CBY1: variants seen among roughly 807,000 people sequenced by gnomAD.
CBY1 encodes chibby 1, beta catenin antagonist.
CBY1 carries 10 observed loss-of-function variants against 15.6 expected under a neutral mutation model. The ratio of observed to expected loss-of-function variants is 0.64; its 90% CI spans 0.40 to 1.09. CBY1 has a LOEUF of 1.09. CBY1 is among the 50% of genes least tolerant of loss of function. The pLI, the probability that CBY1 is intolerant of heterozygous loss-of-function variation, is 0.01. For missense variants in CBY1, 150 were observed against 160.5 expected (o/e 0.93, Z 0.35); for synonymous variants, 61 against 63.5 (o/e 0.96, Z 0.19).
intron 1 of CBY1, among the ~76,000 whole-genome samples, chr22:38,664,130 T>G (rs1358191586): frequency 6.6e-6 from 1 of 151,912 alleles, no homozygotes; most frequent in Non-Finnish European, 1.5e-5. Context: ...ATAAATACCC[T>G]TACAAACCCT....
At chr22:38,666,646 C>G (rs1194270520) in intron 1 of CBY1, 1 of 152,054 alleles carries the variant, frequency 6.6e-6, no homozygotes, top group Non-Finnish European at 1.5e-5. Flanking sequence ...AAGTGAGGAG[C>G]ACTGTTATCA....
rs929916643 is a variant in CBY1 at position 38,673,419 on chromosome 22, A to C, written c.*183A>C. On this transcript the variant is annotated 3_prime_UTR_variant, in exon 5 of 5. Coordinates refer to ENST00000216029, the MANE Select transcript of CBY1 (RefSeq NM_015373.4). ...ACCAAGATTCCAGATGGGGATAGTAACTAGAAGGTGCTTCAGATGCACTGC... is the reference window on the plus strand; with the variant it reads ...ACCAAGATTCCAGATGGGGATAGTACCTAGAAGGTGCTTCAGATGCACTGC... 13 of 523,214 alleles carry C rather than the reference A, an allele frequency of 2.5e-5. No individual in the cohort carries two copies. The highest frequency in any genetic ancestry group is 1.1e-5 in the Non-Finnish European group (3 of 283,186). The allele number at this position is 523,214 out of a possible 1,614,324, so 32.4% of individuals were successfully genotyped here. A position where few individuals can be genotyped will look rare whatever the true frequency, so the allele number is the denominator to read the frequency against.
At chr22:38,659,862 A>AG (rs1491529650) in intron 1 of CBY1, among the ~76,000 whole-genome samples, 2 of 72,364 alleles carry the variant, frequency 2.8e-5, no homozygotes, top group Non-Finnish European at 6.3e-5. Flanking sequence ...ACTCTGTCTC[A>AG]AAAAAAAAAA....
intron 4 of CBY1, 90 bp from the exon 5 acceptor site, chr22:38,673,069 G>A (rs2092457721): frequency 1.7e-5 from 14 of 813,656 alleles, no homozygotes; most frequent in East Asian, 7.8e-5. Flanking sequence ...GTGGCAGGGG[G>A]CCTTTCCTCC....
At chr22:38,670,861 G>A in intron 2 of CBY1, 23 bp from the exon 3 acceptor site, 1 of 1,573,606 alleles carries the variant, frequency 6.4e-7, no homozygotes, top group Non-Finnish European at 8.7e-7. Flanking sequence ...TGCTGAAGTT[G>A]TCACATAGCA....
At chr22:38,658,727 C>T (rs1424286238) in intron 1 of CBY1, among the ~76,000 whole-genome samples, 5 of 152,124 alleles carry the variant, frequency 3.3e-5, no homozygotes, top group Admixed American at 2.0e-4. Flanking sequence ...CCGCCCGCCT[C>T]GGCCTCCCAA....
Position 38,668,005 on chromosome 22 carries a change from T to C in CBY1, c.-38-12T>C. On this transcript the variant is annotated splice_polypyrimidine_tract_variant and intron_variant, in intron 1 of 4. Transcript: ENST00000216029. ...TCCAGCTGCTTGTACCCCTGACTTTTTCTGACCCTAGGAGAAGGGAGCACT... is the reference window on the plus strand; with the variant it reads ...TCCAGCTGCTTGTACCCCTGACTTTCTCTGACCCTAGGAGAAGGGAGCACT... 6.4e-7 allele frequency: 1 copy of C among 1,560,630 alleles called. No homozygotes were observed. Among genetic ancestry groups the C allele is most frequent in the South Asian group, 1.1e-5 (1 of 89,526 alleles).
chr22:38,665,283 C>T (rs984970537), intron 1 of CBY1, among the ~76,000 whole-genome samples: 17 of 152,082 alleles, frequency 1.1e-4, no homozygotes, highest in Middle Eastern at 3.2e-3. Context: ...GGCAACATGA[C>T]GAAACTCCCA....
intron 1 of CBY1, chr22:38,665,646 G>A (rs1016470151): frequency 4.7e-5 from 42 of 898,846 alleles, no homozygotes; most frequent in Non-Finnish European, 5.1e-5. Flanking sequence ...AGATGCAAAC[G>A]AGGACTCACT....
chr22:38,660,314 C>A (rs1001763402), intron 1 of CBY1, among the ~76,000 whole-genome samples: 5 of 151,672 alleles, frequency 3.3e-5, no homozygotes, highest in Non-Finnish European at 5.9e-5. Context: ...CCTGTCTCAG[C>A]CCCCCGAGTA....
chr22:38,673,417 T>A lies in CBY1; in HGVS notation c.*181T>A. On this transcript the variant is annotated 3_prime_UTR_variant, in exon 5 of 5. Coordinates refer to ENST00000216029, the MANE Select transcript of CBY1 (RefSeq NM_015373.4). ...AAACCAAGATTCCAGATGGGGATAG[T>A]AACTAGAAGGTGCTTCAGATGCACT... 1 of 530,614 alleles carries A rather than the reference T, an allele frequency of 1.9e-6. No individual in the cohort carries two copies. The highest frequency in any genetic ancestry group is 2.0e-5 in the South Asian group (1 of 49,158). 32.9% of individuals were successfully genotyped at this position (530,614 alleles called of 1,614,324 possible). A position where few individuals can be genotyped will look rare whatever the true frequency, so the allele number is the denominator to read the frequency against.
intron 2 of CBY1, among the ~76,000 whole-genome samples, chr22:38,669,515 T>C (rs1434634640): frequency 6.6e-6 from 1 of 152,158 alleles, no homozygotes; most frequent in East Asian, 1.9e-4. Context: ...GCAGATACTT[T>C]AACGGAAGGC....
chr22:38,667,723 A>G, intron 1 of CBY1: 1 of 304,908 alleles, frequency 3.3e-6, no homozygotes, highest in Non-Finnish European at 6.1e-6. Context: ...TGAGACAGAC[A>G]GCATGGCAGC....
chr22:38,665,660 C>T, intron 1 of CBY1: 1 of 1,102,422 alleles, frequency 9.1e-7, no homozygotes. Flanking sequence ...ACTCACTGTG[C>T]AATTCTGTGC....
rs760553075 is a variant in CBY1, at chr22:38,673,280, C to CT, written c.*53dup. 817 of 1,337,626 alleles carry CT rather than the reference C, an allele frequency of 6.1e-4. No homozygotes were observed. The highest frequency in any genetic ancestry group is 6.9e-4 in the East Asian group (29 of 42,256). The allele number at this position is 1,337,626 out of a possible 1,614,324, so 82.9% of individuals were successfully genotyped here. On this transcript the variant is annotated 3_prime_UTR_variant, in exon 5 of 5. Coordinates refer to ENST00000216029, the MANE Select transcript of CBY1 (RefSeq NM_015373.4). Reference sequence around the variant, plus strand: ...TTGGGGAGTAGGATGTGGCTGAGTGCTTTTTTTTTGGCCAGACTAGCGGAT... The same window carrying CT: ...TTGGGGAGTAGGATGTGGCTGAGTGCTTTTTTTTTTGGCCAGACTAGCGGAT...
chr22:38,665,666 T>A (rs972370434), intron 1 of CBY1: 2 of 1,147,696 alleles, frequency 1.7e-6, no homozygotes, highest in Non-Finnish European at 2.2e-6. Flanking sequence ...TGTGCAATTC[T>A]GTGCATGTAC....
rs2092451397 is a variant in CBY1 at position 38,671,157 on chromosome 22, T to G, written c.272T>G (p.Leu91Trp). ...CAGTTGGAGGAAGAGAACAATCTCTTGCGGCTGAAAGTGGACATCTTATTA... is the reference window on the plus strand; with the variant it reads ...CAGTTGGAGGAAGAGAACAATCTCTGGCGGCTGAAAGTGGACATCTTATTA... The part of the protein sequence containing the change: ...NQQLEEENNL[L>W]RLKVDILLDM... Residue 91 changes from leucine to tryptophan, a missense_variant, in exon 4 of 5, where the codon TTG (leucine) becomes TGG (tryptophan). By Grantham distance (61) the Leu-to-Trp change is moderately conservative. Coordinates refer to ENST00000216029, the MANE Select transcript of CBY1 (RefSeq NM_015373.4). The G allele has an allele frequency of 6.2e-7, 1 of 1,613,980 alleles. No homozygotes were observed. The highest frequency in any genetic ancestry group is 8.5e-7 in the Non-Finnish European group (1 of 1,179,958).
At chr22:38,673,050 A>C in intron 4 of CBY1, 109 bp from the exon 5 acceptor site, 1 of 707,210 alleles carries the variant, frequency 1.4e-6, no homozygotes, top group East Asian at 2.7e-5. Context: ...AGCCAGCAGC[A>C]TCAGAGAAGT....
intron 1 of CBY1, among the ~76,000 whole-genome samples, chr22:38,663,332 A>G (rs1289369780): frequency 1.3e-5 from 2 of 151,692 alleles, no homozygotes; most frequent in Non-Finnish European, 2.9e-5. Context: ...GTGCGTGCCT[A>G]TAGTCCTAGC....
Sources: allele counts gnomAD v4.1 joint callset (sites outside exome capture counted in the v4.1 genomes callset), GRCh38; gene constraint gnomAD v4.1.1; transcripts MANE v1.5; gene names NCBI Gene and HGNC (gene_info 2026-07-23, HGNC 2026-07-21).